Variants in CHCHD6 observed in about 807,000 individuals in gnomAD.
The protein encoded by CHCHD6 is MICOS complex subunit MIC25.
A neutral mutation model predicts 32.3 loss-of-function variants in CHCHD6; 28 were observed. That is an observed-to-expected ratio of 0.87 (90% CI 0.64 to 1.19). The LOEUF (loss-of-function observed/expected upper bound fraction) is 1.19, where lower values mean the gene tolerates loss of function less well. CHCHD6 is among the 50% of genes most tolerant of loss of function. CHCHD6 has a pLI of 0.00. For missense variants in CHCHD6, 333 were observed against 307.0 expected (o/e 1.08, Z -0.63); for synonymous variants, 122 against 117.5 (o/e 1.04, Z -0.25).
At chr3:126,894,316 G>A (rs372288561) in intron 5 of CHCHD6, among the ~76,000 whole-genome samples, 2 of 152,256 alleles carry the variant, frequency 1.3e-5, no homozygotes, top group Non-Finnish European at 1.5e-5. Flanking sequence ...GGGCCCACAA[G>A]GGTCTGTGGA....
At chr3:126,812,484 C>T (rs897669830) in intron 4 of CHCHD6, among the ~76,000 whole-genome samples, 7 of 151,756 alleles carry the variant, frequency 4.6e-5, no homozygotes, top group Non-Finnish European at 7.4e-5. Context: ...AGTGCAGTGG[C>T]GCGATCTCGG....
chr3:126,875,492 A>G (rs1268195162), intron 5 of CHCHD6, among the ~76,000 whole-genome samples: 3 of 152,248 alleles, frequency 2.0e-5, no homozygotes, highest in Non-Finnish European at 4.4e-5. Context: ...CCTAAAAGCC[A>G]TGGGAGAGCT....
intron 6 of CHCHD6, chr3:126,949,545 G>A: frequency 6.1e-6 from 1 of 165,120 alleles, no homozygotes; most frequent in South Asian, 9.5e-5. Flanking sequence ...GAAGGCTGCT[G>A]CCCGGACTGC....
chr3:126,787,123 T>C lies in CHCHD6; in HGVS notation c.411+53901T>C, dbSNP rs1174057975. Among the ~76,000 whole-genome samples, 26 of 152,342 alleles carry C rather than the reference T, an allele frequency of 1.7e-4. No homozygotes were observed. In the South Asian group the frequency reaches 2.3e-3, roughly 13 times the overall value. Reference sequence around the variant, plus strand: ...TTGTTTTTGTCAGGTTTGTCAAAGATCAGATAGTTGTAGATGTGTGGTATT... The same window carrying C: ...TTGTTTTTGTCAGGTTTGTCAAAGACCAGATAGTTGTAGATGTGTGGTATT... On this transcript the variant is annotated intron_variant, in intron 4 of 7. Transcript: ENST00000290913.
chr3:126,813,410 A>G lies in CHCHD6; in HGVS notation c.412-39237A>G, dbSNP rs575024818. Among the ~76,000 whole-genome samples the G allele has an allele frequency of 2.0e-5, 3 of 152,328 alleles. No individual in the cohort carries two copies. The South Asian group carries it at 6.2e-4, about 32-fold the overall frequency. On this transcript the variant is annotated intron_variant, in intron 4 of 7. Coordinates refer to ENST00000290913, the MANE Select transcript of CHCHD6 (RefSeq NM_032343.3). ...GCTGTTTTAATAAAATATGAGATAAATGGTCACCTTACTTCAGTGAGTTTT... is the reference window on the plus strand; with the variant it reads ...GCTGTTTTAATAAAATATGAGATAAGTGGTCACCTTACTTCAGTGAGTTTT...
chr3:126,824,079 AAAAAAT>A (rs1424217597), intron 4 of CHCHD6, among the ~76,000 whole-genome samples: 3 of 152,170 alleles, frequency 2.0e-5, no homozygotes, highest in Non-Finnish European at 4.4e-5. Flanking sequence ...TTTTGTTTCT[AAAAAAT>A]AAAAATAAAA....
chr3:126,807,739 A>G (rs1939465505), intron 4 of CHCHD6, among the ~76,000 whole-genome samples: 1 of 152,252 alleles, frequency 6.6e-6, no homozygotes, highest in African/African-American at 2.4e-5. Flanking sequence ...ATAAAGGACA[A>G]GAACTGATCC....
chr3:126,899,495 C>T (rs371023785), intron 5 of CHCHD6, among the ~76,000 whole-genome samples: 1 of 152,114 alleles, frequency 6.6e-6, no homozygotes, highest in Non-Finnish European at 1.5e-5. Context: ...ATAGCCCACG[C>T]GTTTCTGAGT....
intron 5 of CHCHD6, among the ~76,000 whole-genome samples, chr3:126,857,397 T>C (rs1183154262): frequency 6.6e-6 from 1 of 152,200 alleles, no homozygotes; most frequent in East Asian, 1.9e-4. Context: ...TTCCCCAGGA[T>C]TGAAGTCTTC....
At chr3:126,951,320 T>G (rs568043918) in intron 6 of CHCHD6, among the ~76,000 whole-genome samples, 1 of 152,280 alleles carries the variant, frequency 6.6e-6, no homozygotes, top group South Asian at 2.1e-4. Flanking sequence ...AGGCAGTTAT[T>G]TATAGGAGTG....
chr3:126,705,772 A>C lies in CHCHD6; in HGVS notation c.87+1373A>C, dbSNP rs776305190. On this transcript the variant is annotated intron_variant, in intron 1 of 7. Transcript: ENST00000290913. ...ACTTCAGGAGTTCTGGCAGGTGCTC[A>C]TTAGCTGTGTGACCTTGGGTAAAAA... 3.2e-4 allele frequency among the ~76,000 whole-genome samples: 49 copies of C among 152,166 alleles called. 1 individual carries two copies. Among genetic ancestry groups the C allele is most frequent in the Non-Finnish European group, 5.1e-4 (35 of 68,030 alleles).
chr3:126,799,049 C>T (rs1938937149), intron 4 of CHCHD6, among the ~76,000 whole-genome samples: 1 of 152,144 alleles, frequency 6.6e-6, no homozygotes. Context: ...CCCCATGGCT[C>T]CTGGACTTTT....
intron 5 of CHCHD6, among the ~76,000 whole-genome samples, chr3:126,866,951 G>A (rs926809612): frequency 2.0e-5 from 3 of 152,146 alleles, no homozygotes; most frequent in Admixed American, 6.5e-5. Context: ...GAGTTTTGGG[G>A]TTTTTTGTTT....
Position 126,737,874 on chromosome 3 carries a change from G to A in CHCHD6, c.411+4652G>A, listed in dbSNP as rs116751931. ...CACAGTGTAGGTGCGGTTGTGGAAC[G>A]ACATCCTGAAAGTCTGATGGGGAGC... On this transcript the variant is annotated intron_variant, in intron 4 of 7. Coordinates refer to ENST00000290913, the MANE Select transcript of CHCHD6 (RefSeq NM_032343.3). Among the ~76,000 whole-genome samples the A allele has an allele frequency of 1.9e-3, 286 of 152,216 alleles. 1 individual carries two copies. The highest frequency in any genetic ancestry group is 5.3e-3 in the African/African-American group (219 of 41,528).
intron 4 of CHCHD6, among the ~76,000 whole-genome samples, chr3:126,757,570 T>A (rs1937010648): frequency 6.6e-6 from 1 of 152,214 alleles, no homozygotes; most frequent in African/African-American, 2.4e-5. Context: ...TTTGCAAAGA[T>A]TGAAGAATAG....
intron 6 of CHCHD6, among the ~76,000 whole-genome samples, chr3:126,922,358 G>A (rs2078263133): frequency 6.6e-6 from 1 of 152,170 alleles, no homozygotes. Context: ...GTAAAACAGG[G>A]ACGATGGTGG....
intron 5 of CHCHD6, among the ~76,000 whole-genome samples, chr3:126,854,303 G>GC (rs1444340533): frequency 6.6e-6 from 1 of 152,108 alleles, no homozygotes; most frequent in Non-Finnish European, 1.5e-5. Context: ...AGAAGGAGGT[G>GC]CAAAAGCATG....
chr3:126,835,733 C>T (rs1940831765), intron 4 of CHCHD6, among the ~76,000 whole-genome samples: 1 of 152,206 alleles, frequency 6.6e-6, no homozygotes, highest in South Asian at 2.1e-4. Context: ...CTCTTTTCAG[C>T]CTGCAGATTT....
At chr3:126,808,033 C>G (rs774130602) in intron 4 of CHCHD6, among the ~76,000 whole-genome samples, 8 of 152,212 alleles carry the variant, frequency 5.3e-5, no homozygotes, top group Non-Finnish European at 8.8e-5. Flanking sequence ...TTATGTCTCA[C>G]AGTTTTTGTG....
Sources: gnomAD v4.1 joint callset for allele counts (sites outside exome capture counted in the v4.1 genomes callset) on GRCh38, gnomAD v4.1.1 for gene constraint, MANE v1.5 for transcripts, NCBI Gene and HGNC (gene_info 2026-07-23, HGNC 2026-07-21) for gene names.